The following MYO1E variants were observed in gnomAD, a reference collection of about 807,000 sequenced individuals.
MYO1E encodes unconventional myosin-Ie.
Under a neutral mutation model 151.1 loss-of-function variants are expected in MYO1E, and 68 were observed. The observed-to-expected ratio is 0.45, with a 90% confidence interval of 0.37 to 0.55. The LOEUF (loss-of-function observed/expected upper bound fraction) is 0.55. MYO1E is among the 20% of genes least tolerant of loss of function. The pLI is 0.00. For missense variants in MYO1E, 1,363 were observed against 1,389.3 expected (o/e 0.98, Z 0.30); for synonymous variants, 601 against 501.7 (o/e 1.20, Z -2.64).
At chr15:59,268,981 G>GT (rs772608457) in intron 2 of MYO1E, among the ~76,000 whole-genome samples, 4 of 151,798 alleles carry the variant, frequency 2.6e-5, no homozygotes, top group African/African-American at 9.7e-5. Flanking sequence ...TTATAATGCA[G>GT]TAAGTCCAGC....
intron 22 of MYO1E, 149 bp from the exon 23 acceptor site, chr15:59,163,452 C>T (rs1197210537): frequency 2.5e-6 from 2 of 806,472 alleles, no homozygotes; most frequent in Non-Finnish European, 3.8e-6. Flanking sequence ...TCAAACAAAA[C>T]CAACAACAAT....
chr15:59,240,789 T>C (rs1394646260), intron 4 of MYO1E, among the ~76,000 whole-genome samples: 1 of 152,216 alleles, frequency 6.6e-6, no homozygotes, highest in Non-Finnish European at 1.5e-5. Flanking sequence ...CTTTTCCAAC[T>C]TTTTGTTTGT....
chr15:59,179,504 G>C (rs1339396569), intron 18 of MYO1E, among the ~76,000 whole-genome samples: 1 of 152,130 alleles, frequency 6.6e-6, no homozygotes, highest in African/African-American at 2.4e-5. Flanking sequence ...ATGCGGATGG[G>C]TGCTCTCTCT....
At chr15:59,147,506 C>T (rs1449577449) in intron 26 of MYO1E, among the ~76,000 whole-genome samples, 4 of 140,330 alleles carry the variant, frequency 2.9e-5, no homozygotes, top group Admixed American at 2.4e-4. Context: ...GCATGAGAAT[C>T]GCTTGAACGT....
intron 1 of MYO1E, among the ~76,000 whole-genome samples, chr15:59,363,942 T>C (rs2080899200): frequency 6.6e-6 from 1 of 152,056 alleles, no homozygotes. Context: ...ACCCAGCTAA[T>C]TTTTTTGTAT....
rs567889350 is a variant in MYO1E at position 59,310,911 on chromosome 15, C to T, written c.4-38462G>A. Reference sequence around the variant, plus strand: ...TTAAAAACCTCCACTTTCTGTAGGACAAATTCCAAGCAAGCCCTTAGTGTG... The same window carrying T: ...TTAAAAACCTCCACTTTCTGTAGGATAAATTCCAAGCAAGCCCTTAGTGTG... On this transcript the variant is annotated intron_variant, in intron 1 of 27. Transcript: ENST00000288235. Among the ~76,000 whole-genome samples the T allele has an allele frequency of 7.6e-4, 116 of 152,246 alleles. 1 individual carries two copies. Among genetic ancestry groups the T allele is most frequent in the Middle Eastern group, 6.8e-3 (2 of 292 alleles).
intron 18 of MYO1E, among the ~76,000 whole-genome samples, chr15:59,183,506 G>GT (rs1330555520): frequency 6.6e-6 from 1 of 151,806 alleles, no homozygotes; most frequent in East Asian, 1.9e-4. Flanking sequence ...GGACTGATAA[G>GT]TTTTTTTTGG....
At chr15:59,297,064 G>A (rs1434726806) in intron 1 of MYO1E, among the ~76,000 whole-genome samples, 16 of 128,904 alleles carry the variant, frequency 1.2e-4, no homozygotes, top group African/African-American at 4.0e-4. Context: ...GTGTTAGCCA[G>A]GATGGTCTCG....
At chr15:59,223,731 A>G (rs767698676) in intron 8 of MYO1E, among the ~76,000 whole-genome samples, 5 of 152,252 alleles carry the variant, frequency 3.3e-5, no homozygotes, top group Non-Finnish European at 7.3e-5. Flanking sequence ...AGGAAATCCA[A>G]TAAAAGCATC....
intron 4 of MYO1E, among the ~76,000 whole-genome samples, chr15:59,240,656 G>C (rs996137166): frequency 2.0e-5 from 3 of 152,150 alleles, no homozygotes; most frequent in Admixed American, 2.0e-4. Context: ...TGTTACCACT[G>C]TTGGACGACT....
At position 59,137,456 on chromosome 15, in the gene MYO1E, T is replaced by C; in HGVS notation, c.3251A>G (p.Asp1084Gly). 1 of 1,614,016 alleles carries C rather than the reference T, an allele frequency of 6.2e-7. No homozygotes were observed. Among genetic ancestry groups the C allele is most frequent in the African/African-American group, 1.3e-5 (1 of 75,014 alleles). ...ANDIIDIIKE[D>G]PSGWWTGRLR... Reference sequence around the variant, plus strand: ...TCGACCCGTCCACCAGCCAGAAGGATCTGCAGGGAGAGAGAGGTGGTGGAA... The same window carrying C: ...TCGACCCGTCCACCAGCCAGAAGGACCTGCAGGGAGAGAGAGGTGGTGGAA... Residue 1084 changes from aspartate to glycine, a missense_variant and splice_region_variant, in exon 28 of 28, where the codon GAT (aspartate) becomes GGT (glycine). By Grantham distance (94) the Asp-to-Gly change is moderately conservative. Transcript: ENST00000288235.
intron 1 of MYO1E, among the ~76,000 whole-genome samples, chr15:59,308,492 C>T (rs2140408742): frequency 6.6e-6 from 1 of 151,808 alleles, no homozygotes; most frequent in East Asian, 1.9e-4. Flanking sequence ...GCCAACATAG[C>T]AAAACCCCGT....
rs532890503 is a variant in MYO1E at position 59,245,629 on chromosome 15, G to A, written c.333-8957C>T. On this transcript the variant is annotated intron_variant, in intron 4 of 27. Transcript: ENST00000288235. ...CGTCAGGATACTTCAAATAAAAAAA[G>A]TAGAAACAGCACCAAATGGGATGCT... Among the ~76,000 whole-genome samples the A allele has an allele frequency of 7.4e-4, 113 of 152,308 alleles. 2 individuals are homozygous for A. The highest frequency in any genetic ancestry group is 2.7e-3 in the African/African-American group (113 of 41,556).
At chr15:59,231,380 T>C (rs550535453) in intron 6 of MYO1E, among the ~76,000 whole-genome samples, 2 of 152,316 alleles carry the variant, frequency 1.3e-5, no homozygotes, top group East Asian at 3.9e-4. Flanking sequence ...TATTTCTTGG[T>C]CTGGGAAAGA....
chr15:59,143,474 G>A (rs1280416559), intron 26 of MYO1E, among the ~76,000 whole-genome samples: 1 of 152,176 alleles, frequency 6.6e-6, no homozygotes, highest in Non-Finnish European at 1.5e-5. Context: ...TTGCTGGGGC[G>A]GCATATTCCC....
At chr15:59,224,543 A>G in intron 8 of MYO1E, 146 bp downstream of exon 8, 2 of 1,086,450 alleles carry the variant, frequency 1.8e-6, no homozygotes, top group Non-Finnish European at 1.4e-6. Flanking sequence ...GGATACTGAA[A>G]CATGTATGAG....
intron 14 of MYO1E, chr15:59,207,752 A>G: frequency 6.2e-7 from 1 of 1,614,134 alleles, no homozygotes; most frequent in African/African-American, 1.3e-5. Context: ...GGAACTGATA[A>G]AGATCCTGAG....
rs1566979067 is a variant in MYO1E at position 59,207,939 on chromosome 15, TGAA to T, written c.1530+739_1530+741del. On this transcript the variant is annotated intron_variant, in intron 14 of 27. Coordinates refer to ENST00000288235, the MANE Select transcript of MYO1E (RefSeq NM_004998.4). ...TAATTAAGGGCCTCTATGGAATAGA[TGAA>T]GAAGTATTCCTCAGTATTCCTTGTA... 7 of 1,614,080 alleles carry T rather than the reference TGAA, an allele frequency of 4.3e-6. No individual in the cohort carries two copies. The South Asian group carries it at 4.4e-5, about 10-fold the overall frequency.
chr15:59,187,801 T>C lies in MYO1E; in HGVS notation c.1904+317A>G, dbSNP rs561038914. ...CAACATGGATGAATCTTATGTTCAG[T>C]GAAAGAAGTCAGTCACAGAGGACAC... On this transcript the variant is annotated intron_variant, in intron 18 of 27. Coordinates refer to ENST00000288235, the MANE Select transcript of MYO1E (RefSeq NM_004998.4). Among the ~76,000 whole-genome samples the C allele has an allele frequency of 2.6e-5, 4 of 152,242 alleles. No individual in the cohort carries two copies. The East Asian group carries it at 7.7e-4, about 29-fold the overall frequency.
Sources: gnomAD v4.1 joint callset for allele counts (sites outside exome capture counted in the v4.1 genomes callset) on GRCh38, gnomAD v4.1.1 for gene constraint, MANE v1.5 for transcripts, NCBI Gene and HGNC (gene_info 2026-07-23, HGNC 2026-07-21) for gene names.